ANK1: variants seen among roughly 807,000 people sequenced by gnomAD.
ANK1 encodes ankyrin 1.
ANK1 carries 51 observed loss-of-function variants against 210.4 expected under a neutral mutation model. The observed-to-expected ratio is 0.24, with a 90% CI of 0.19 to 0.31. The LOEUF (loss-of-function observed/expected upper bound fraction) is 0.31. Among genes scored for constraint, ANK1 ranks in the 10% least tolerant of loss-of-function variants. The probability of loss-of-function intolerance (pLI) is 1.00; values close to 1 mark genes in which losing one functional copy is unlikely to be tolerated. For synonymous variants in ANK1, 967 were observed against 1,025.9 expected (o/e 0.94, Z 1.10); for missense variants, 2,051 against 2,504.4 (o/e 0.82, Z 3.86).
chr8:41,703,448 A>ATTT lies in ANK1; in HGVS notation c.2295+592_2295+593insAAA, dbSNP rs1198353842. On this transcript the variant is annotated intron_variant, in intron 20 of 42. Coordinates refer to ENST00000289734, the MANE Select transcript of ANK1 (RefSeq NM_000037.4). ...TATATATATATATATATATATATATATATTTTTTTTTTTTTTTTAAGACAC... is the reference window on the plus strand; with the variant it reads ...TATATATATATATATATATATATATATTTTATTTTTTTTTTTTTTTTAAGACAC... Among the ~76,000 whole-genome samples, 194 of 60,158 alleles carry ATTT rather than the reference A, an allele frequency of 3.2e-3. 3 individuals carry two copies. Among genetic ancestry groups the ATTT allele is most frequent in the East Asian group, 0.025 (51 of 2,068 alleles). 39.5% of individuals were successfully genotyped at this position (60,158 alleles called of 152,430 possible).
At chr8:41,702,261 C>G (rs1338127042) in intron 20 of ANK1, 117 bp from the exon 21 acceptor site, 15 of 783,432 alleles carry the variant, frequency 1.9e-5, no homozygotes, top group Non-Finnish European at 3.2e-5. Context: ...CCTGAGTGGA[C>G]AGACGTCACC....
At chr8:41,723,291 C>T (rs891137096) in intron 8 of ANK1, 68 bp from the exon 9 acceptor site, 1 of 1,511,970 alleles carries the variant, frequency 6.6e-7, no homozygotes, top group African/African-American at 1.4e-5. Flanking sequence ...GGAGAGAAGA[C>T]TGCCTATGGC....
At chr8:41,756,433 C>T (rs560382096) in intron 2 of ANK1, among the ~76,000 whole-genome samples, 8 of 150,724 alleles carry the variant, frequency 5.3e-5, no homozygotes, top group South Asian at 4.2e-4. Context: ...TGTGAGCCAC[C>T]GCGCCCGGTC....
Position 41,672,854 on chromosome 8 carries a change from G to A in ANK1, c.4596C>T (p.Ser1532=), listed in dbSNP as rs1290160573. The A allele has an allele frequency of 1.9e-6, 3 of 1,610,738 alleles. No homozygotes were observed. Among genetic ancestry groups the A allele is most frequent in the African/African-American group, 2.7e-5 (2 of 74,948 alleles). ...AGTACTGGTCTGCACGTAGCGGAGAGGAAAGTGCACAGCCCAGGGAGGCAG... is the reference window on the plus strand; with the variant it reads ...AGTACTGGTCTGCACGTAGCGGAGAAGAAAGTGCACAGCCCAGGGAGGCAG... ...LSPASLGCAL[S]SPLRADQYWN... is the part of the protein sequence containing the mutation. Residue 1532 remains serine (S), a synonymous_variant, in exon 38 of 43, where the codon TCC becomes TCT. Transcript: ENST00000289734.
chr8:41,805,157 T>G (rs1850750930), intron 1 of ANK1, among the ~76,000 whole-genome samples: 1 of 146,050 alleles, frequency 6.8e-6, no homozygotes, highest in Non-Finnish European at 1.5e-5. Context: ...ATAGAGCTCT[T>G]TCTCTCTCTC....
At chr8:41,845,837 C>T (rs1809926347) in intron 1 of ANK1, among the ~76,000 whole-genome samples, 1 of 152,182 alleles carries the variant, frequency 6.6e-6, no homozygotes, top group Admixed American at 6.5e-5. Context: ...CCGTTTTCAG[C>T]TTCCCATGCG....
At chr8:41,885,046 A>G (rs980448055) in intron 1 of ANK1, among the ~76,000 whole-genome samples, 1 of 151,958 alleles carries the variant, frequency 6.6e-6, no homozygotes, top group Non-Finnish European at 1.5e-5. Context: ...GGAAGTGACA[A>G]CTATCACATT....
chr8:41,695,380 C>G (rs1163093465), intron 26 of ANK1, 49 bp from the exon 27 acceptor site: 8 of 1,612,244 alleles, frequency 5.0e-6, no homozygotes, highest in Non-Finnish European at 5.9e-6. Context: ...ACAAGGCAGG[C>G]AGGGCACAGG....
chr8:41,706,576 C>T (rs1014416505), intron 17 of ANK1, among the ~76,000 whole-genome samples: 9 of 152,226 alleles, frequency 5.9e-5, no homozygotes, highest in Admixed American at 2.6e-4. Flanking sequence ...ATTTGGCCCA[C>T]GGGCCCATAG....
At chr8:41,702,168 C>G in intron 20 of ANK1, 24 bp from the exon 21 acceptor site, 1 of 1,595,580 alleles carries the variant, frequency 6.3e-7, no homozygotes, top group Non-Finnish European at 8.6e-7. Context: ...AGCCCGGGTG[C>G]AGTCAGACAG....
intron 1 of ANK1, among the ~76,000 whole-genome samples, chr8:41,842,107 C>T (rs1317459797): frequency 6.6e-6 from 1 of 152,200 alleles, no homozygotes; most frequent in African/African-American, 2.4e-5. Flanking sequence ...CCCAGGCCAC[C>T]CCAAGGGAGG....
chr8:41,827,695 C>T (rs1587254423), intron 1 of ANK1, among the ~76,000 whole-genome samples: 1 of 14,950 alleles, frequency 6.7e-5, no homozygotes, highest in Non-Finnish European at 1.8e-4. Context: ...TACACACTCA[C>T]ACACACTCAC....
chr8:41,675,409 T>C (rs1813814814), intron 37 of ANK1, among the ~76,000 whole-genome samples: 1 of 152,192 alleles, frequency 6.6e-6, no homozygotes, highest in Non-Finnish European at 1.5e-5. Context: ...TGAGCGTATT[T>C]TTAGTGCAAA....
chr8:41,691,912 A>G (rs1216013679), intron 31 of ANK1, among the ~76,000 whole-genome samples: 1 of 152,232 alleles, frequency 6.6e-6, no homozygotes, highest in Non-Finnish European at 1.5e-5. Flanking sequence ...GACTGGTCTC[A>G]AACTCCTGGG....
chr8:41,719,550 G>C, intron 10 of ANK1, 111 bp downstream of exon 10: 1 of 1,406,948 alleles, frequency 7.1e-7, no homozygotes, highest in Non-Finnish European at 1.0e-6. Flanking sequence ...CCTCGAATCT[G>C]GGGAGCTCCG....
rs1364603423 is a variant in ANK1 at position 41,660,142 on chromosome 8, G to GC, written c.*36+1287dup. Among the ~76,000 whole-genome samples the GC allele has an allele frequency of 2.0e-5, 3 of 152,262 alleles. No individual in the cohort carries two copies. In the East Asian group the frequency reaches 5.8e-4, roughly 30 times the overall value. ...GCAGCCTAGTGGGACCCCTGGCAGTGCAGGGGTTAACACGGTGACCTCCTT... is the reference window on the plus strand; with the variant it reads ...GCAGCCTAGTGGGACCCCTGGCAGTGCCAGGGGTTAACACGGTGACCTCCTT... On this transcript the variant is annotated intron_variant, in intron 42 of 42. Transcript: ENST00000289734.
intron 1 of ANK1, among the ~76,000 whole-genome samples, chr8:41,876,181 C>T (rs1047060517): frequency 1.3e-5 from 2 of 152,134 alleles, no homozygotes; most frequent in African/African-American, 4.8e-5. Context: ...GCTCCCCAGG[C>T]GGGCGCGGGG....
At chr8:41,790,187 C>T (rs1255604683) in intron 1 of ANK1, among the ~76,000 whole-genome samples, 2 of 151,442 alleles carry the variant, frequency 1.3e-5, no homozygotes, top group Non-Finnish European at 2.9e-5. Context: ...ACTCTTGTCG[C>T]CCAGGCTGGA....
Position 41,696,755 on chromosome 8 carries a change from C to A in ANK1, c.2656G>T (p.Glu886Ter). 6.2e-7 allele frequency: 1 copy of A among 1,600,992 alleles called. No individual in the cohort carries two copies. Among genetic ancestry groups the A allele is most frequent in the Non-Finnish European group, 8.5e-7 (1 of 1,179,894 alleles). Residue 886 changes from glutamate (E) to a stop codon, truncating the protein, a stop_gained, in exon 25 of 43, where the codon GAG becomes TAG. Coordinates refer to ENST00000289734, the MANE Select transcript of ANK1 (RefSeq NM_000037.4). LOFTEE classifies it high-confidence loss of function. Reference protein sequence around the residue: ...EQEQASKEYDEDSLIPSSPAT... With the variant: ...EQEQASKEYD ...GGGCTGCTGGGGATGAGGGAGTCCTCATCATACTCTTTAGATGCCTGAGGA... is the reference window on the plus strand; with the variant it reads ...GGGCTGCTGGGGATGAGGGAGTCCTAATCATACTCTTTAGATGCCTGAGGA...
Sources: allele counts gnomAD v4.1 joint callset (sites outside exome capture counted in the v4.1 genomes callset), GRCh38; gene constraint gnomAD v4.1.1; transcripts MANE v1.5; gene names NCBI Gene and HGNC (gene_info 2026-07-23, HGNC 2026-07-21).